Variants in MAP4 observed in about 807,000 individuals in gnomAD.
The protein encoded by MAP4 is microtubule associated protein 4.
Under a neutral mutation model 170.2 loss-of-function variants are expected in MAP4, and 76 were observed. That is an observed-to-expected ratio of 0.45 (90% CI 0.37 to 0.54). The LOEUF is 0.54. MAP4 is among the 20% of genes least tolerant of loss of function. MAP4 has a pLI of 0.00. For synonymous variants in MAP4, 909 were observed against 994.5 expected, an observed-to-expected ratio of 0.91 and a Z score of 1.62; for missense variants, 2,506 against 2,748.0, an observed-to-expected ratio of 0.91 and a Z score of 1.97.
At chr3:48,071,322 G>A (rs999902801) in intron 1 of MAP4, among the ~76,000 whole-genome samples, 7 of 151,542 alleles carry the variant, frequency 4.6e-5, no homozygotes, top group Admixed American at 6.6e-5. Context: ...TGGGCAGATC[G>A]CTCGAGCTCA....
chr3:47,914,157 G>C (rs1320984269), intron 8 of MAP4, among the ~76,000 whole-genome samples: 1 of 152,122 alleles, frequency 6.6e-6, no homozygotes, highest in African/African-American at 2.4e-5. Flanking sequence ...TTATAGCTAA[G>C]TAAACTGAGA....
At chr3:48,070,148 TTTTTTTTTTTCAGAGA>T (rs1201384136) in intron 1 of MAP4, among the ~76,000 whole-genome samples, 2 of 146,278 alleles carry the variant, frequency 1.4e-5, no homozygotes, top group African/African-American at 5.0e-5. Flanking sequence ...TTTTTTTAAC[TTTTTTTTTTTCAGAGA>T]TGGGGTCTTG....
chr3:47,857,392 T>C (rs776495051), intron 18 of MAP4, 39 bp downstream of exon 18: 2 of 1,560,832 alleles, frequency 1.3e-6, no homozygotes, highest in South Asian at 2.2e-5. Flanking sequence ...CAGGACGACA[T>C]ACCCTGGAGA....
intron 10 of MAP4, among the ~76,000 whole-genome samples, chr3:47,895,610 T>A (rs1393569659): frequency 6.6e-6 from 1 of 152,228 alleles, no homozygotes; most frequent in Admixed American, 6.5e-5. Flanking sequence ...AGAACAAGCA[T>A]AGAAACTTGT....
chr3:47,968,620 C>T (rs1216804650), intron 3 of MAP4, among the ~76,000 whole-genome samples: 1 of 151,836 alleles, frequency 6.6e-6, no homozygotes, highest in Non-Finnish European at 1.5e-5. Flanking sequence ...GCCATAAACA[C>T]CTATATTAAA....
At chr3:48,075,275 A>G (rs1164018158) in intron 1 of MAP4, among the ~76,000 whole-genome samples, 1 of 152,212 alleles carries the variant, frequency 6.6e-6, no homozygotes, top group Non-Finnish European at 1.5e-5. Context: ...CTGTAATCCC[A>G]GAACTTTGGG....
rs552174880 is a variant in MAP4, at chr3:47,914,891, T to A, written c.1925A>T (p.Asp642Val). Residue 642 changes from aspartate to valine, a missense_variant, in exon 8 of 21, where the codon GAT becomes GTT. Physicochemically the swap from Asp to Val is radical, Grantham distance 152 (BLOSUM62 -3). Around this residue, in one of 3 missense-constraint regions of MAP4, gnomAD observed 2,008 missense variants for 2,206.0 expected, o/e 0.91. Transcript: ENST00000683076. ...TTCCCCTAGTTTTTCTAACACAGAA[T>A]CCTCCTCGGCCGGCAAGCTGCACTT... is the stretch of plus-strand genomic sequence containing the variant. ...GKKCSLPAEEDSVLEKLGERK... is the reference protein window; with the variant it reads ...GKKCSLPAEEVSVLEKLGERK... 1 of 1,613,996 alleles carries A rather than the reference T, an allele frequency of 6.2e-7. No individual in the cohort carries two copies. The highest frequency in any genetic ancestry group is 8.5e-7 in the Non-Finnish European group (1 of 1,180,026).
chr3:47,912,469 C>CA (rs1366568340), intron 8 of MAP4, 48 bp from the exon 9 acceptor site: 1 of 1,422,908 alleles, frequency 7.0e-7, no homozygotes, highest in African/African-American at 1.4e-5. Context: ...TTAAAAACAA[C>CA]AAAAAACAAA....
chr3:48,088,339 C>T (rs1272126966), intron 1 of MAP4, among the ~76,000 whole-genome samples: 1 of 152,160 alleles, frequency 6.6e-6, no homozygotes, highest in Non-Finnish European at 1.5e-5. Context: ...CATACTAAGG[C>T]TCACCTCAGC....
At chr3:47,876,847 T>G (rs1203365634) in intron 11 of MAP4, 1 of 152,214 alleles carries the variant, frequency 6.6e-6, no homozygotes, top group African/African-American at 2.4e-5. Context: ...TTCAGAATAT[T>G]TTTGCAATTG....
chr3:48,042,726 A>C (rs2100122292), intron 1 of MAP4, among the ~76,000 whole-genome samples: 1 of 152,242 alleles, frequency 6.6e-6, no homozygotes, highest in Non-Finnish European at 1.5e-5. Flanking sequence ...AAACAGAGTT[A>C]CCATATGAAA....
rs778726996 is a variant in MAP4 at position 47,874,885 on chromosome 3, C to T, written c.5757+800G>A. Among the ~76,000 whole-genome samples the T allele has an allele frequency of 1.5e-4, 23 of 151,068 alleles. No individual in the cohort carries two copies. In the Middle Eastern group the frequency reaches 0.01, roughly 67 times the overall value. The stretch of plus-strand genomic sequence containing the variant: ...GACATTTTAACATGGGAAACTATTT[C>T]GTACCATGAATTTAAAGAGTACTAT... On this transcript the variant is annotated intron_variant, in intron 12 of 20. Coordinates refer to ENST00000683076, the MANE Select transcript of MAP4 (RefSeq NM_001385682.1).
chr3:47,915,185 C>T (rs56313601), intron 7 of MAP4, among the ~76,000 whole-genome samples: 1,847 of 150,786 alleles, frequency 0.012, 23 homozygotes, highest in Non-Finnish European at 0.019. Context: ...GGTGCGATCT[C>T]GGCTCACCAC....
At chr3:47,924,132 T>C (rs1381145613) in intron 4 of MAP4, among the ~76,000 whole-genome samples, 1 of 152,202 alleles carries the variant, frequency 6.6e-6, no homozygotes, top group Non-Finnish European at 1.5e-5. Context: ...CCCAGTATGC[T>C]CTAAAAAACC....
At chr3:48,015,565 A>AT (rs928810655) in intron 1 of MAP4, among the ~76,000 whole-genome samples, 12 of 151,410 alleles carry the variant, frequency 7.9e-5, no homozygotes, top group South Asian at 2.1e-4. Flanking sequence ...TCAACATCAG[A>AT]TTTTTTTTTA....
chr3:48,052,479 C>T (rs969735047), intron 1 of MAP4, among the ~76,000 whole-genome samples: 1 of 152,188 alleles, frequency 6.6e-6, no homozygotes, highest in Non-Finnish European at 1.5e-5. Context: ...GCCTCAGCAT[C>T]CCAAAGTGCT....
intron 10 of MAP4, among the ~76,000 whole-genome samples, chr3:47,900,839 A>T (rs181752874): frequency 5.9e-5 from 9 of 152,316 alleles, no homozygotes; most frequent in African/African-American, 1.9e-4. Context: ...GCCCTCCCCA[A>T]AAGAAAAGAG....
At chr3:48,050,604 TA>T (rs58604865) in intron 1 of MAP4, among the ~76,000 whole-genome samples, 14,663 of 139,614 alleles carry the variant, frequency 0.11, 2,368 homozygotes, top group African/African-American at 0.35. Context: ...ATCATAAACT[TA>T]AAAAAAAAAA....
chr3:47,921,614 T>G, intron 5 of MAP4, 151 bp downstream of exon 5: 1 of 497,904 alleles, frequency 2.0e-6, no homozygotes, highest in East Asian at 3.0e-5. Flanking sequence ...CCTAGGTACC[T>G]CTCATGTACA....
Sources: gnomAD v4.1 joint callset for allele counts (sites outside exome capture counted in the v4.1 genomes callset) on GRCh38, gnomAD v4.1.1 for gene constraint, gnomAD v4.1.1 regional missense constraint, MANE v1.5 for transcripts, NCBI Gene and HGNC (gene_info 2026-07-23, HGNC 2026-07-21) for gene names.